Variants in DOK5 observed in about 807,000 individuals in gnomAD.
DOK5 encodes the protein downstream of tyrosine kinase 5.
A neutral mutation model predicts 43.3 loss-of-function variants in DOK5; 27 were observed. The observed-to-expected ratio is 0.62, with a 90% confidence interval of 0.46 to 0.86. The LOEUF (loss-of-function observed/expected upper bound fraction) is 0.86. Among genes scored for constraint, DOK5 ranks in the 40% least tolerant of loss-of-function variants. The pLI, the probability that DOK5 is intolerant of heterozygous loss-of-function variation, is 0.00. For missense variants in DOK5, 373 were observed against 392.9 expected, an observed-to-expected ratio of 0.95 and a Z score of 0.43; for synonymous variants, 146 against 140.1, an observed-to-expected ratio of 1.04 and a Z score of -0.30.
At chr20:54,644,100 C>T (rs1568826784) in intron 7 of DOK5, among the ~76,000 whole-genome samples, 3 of 152,228 alleles carry the variant, frequency 2.0e-5, no homozygotes. Flanking sequence ...CTCCCGAGAG[C>T]TCAGGTCTAG....
In DOK5 at chr20:54,508,787, C is replaced by T. The variant is rs1403120137; in HGVS notation, c.66+32775C>T. On this transcript the variant is annotated intron_variant, in intron 1 of 7. Coordinates refer to ENST00000262593, the MANE Select transcript of DOK5 (RefSeq NM_018431.5). Reference sequence around the variant, plus strand: ...TAGAGACGGGGTTTCTCCATGTTGGCCAGGCTGGTCTTGAACTCCTGACCT... The same window carrying T: ...TAGAGACGGGGTTTCTCCATGTTGGTCAGGCTGGTCTTGAACTCCTGACCT... Among the ~76,000 whole-genome samples the T allele has an allele frequency of 5.9e-5, 9 of 151,986 alleles. No individual in the cohort carries two copies. The East Asian group carries it at 1.7e-3, about 29-fold the overall frequency.
At chr20:54,587,578 G>A (rs771523126) in intron 2 of DOK5, among the ~76,000 whole-genome samples, 5 of 152,142 alleles carry the variant, frequency 3.3e-5, no homozygotes, top group Non-Finnish European at 7.3e-5. Context: ...CTAAGGCTTC[G>A]CTCAGGCATG....
chr20:54,574,144 C>T (rs571216385), intron 2 of DOK5, among the ~76,000 whole-genome samples: 13 of 152,250 alleles, frequency 8.5e-5, no homozygotes, highest in Admixed American at 4.6e-4. Context: ...GAAGGAAGGA[C>T]GCTGTGCTGC....
intron 1 of DOK5, among the ~76,000 whole-genome samples, chr20:54,550,819 G>C (rs988821225): frequency 3.3e-5 from 5 of 152,028 alleles, no homozygotes; most frequent in Non-Finnish European, 7.4e-5. Flanking sequence ...ACATTATGAG[G>C]CTTCCAGGTT....
chr20:54,489,499 A>G (rs916559296), intron 1 of DOK5, among the ~76,000 whole-genome samples: 6 of 152,146 alleles, frequency 3.9e-5, no homozygotes, highest in Non-Finnish European at 7.3e-5. Flanking sequence ...ATTTAGTGAT[A>G]TATCATAGTT....
intron 6 of DOK5, among the ~76,000 whole-genome samples, chr20:54,639,227 G>A (rs1978992988): frequency 6.6e-6 from 1 of 152,188 alleles, no homozygotes; most frequent in Non-Finnish European, 1.5e-5. Context: ...AAAGGGGTGT[G>A]CCCAGCCTTT....
intron 2 of DOK5, among the ~76,000 whole-genome samples, chr20:54,578,230 T>C (rs1455684473): frequency 6.6e-6 from 1 of 152,170 alleles, no homozygotes; most frequent in East Asian, 1.9e-4. Context: ...ATGTCAAAAA[T>C]CAGATTAAAT....
intron 1 of DOK5, among the ~76,000 whole-genome samples, chr20:54,480,640 T>G (rs927059753): frequency 5.9e-5 from 9 of 152,224 alleles, no homozygotes; most frequent in Non-Finnish European, 1.0e-4. Context: ...CCTGAATTCT[T>G]TGCTGTGAGA....
intron 6 of DOK5, among the ~76,000 whole-genome samples, chr20:54,640,879 C>T (rs1469105052): frequency 6.6e-6 from 1 of 152,074 alleles, no homozygotes; most frequent in Non-Finnish European, 1.5e-5. Flanking sequence ...GAATTCCATG[C>T]AAATGAAATA....
chr20:54,648,279 T>C (rs1979533847), intron 7 of DOK5, among the ~76,000 whole-genome samples: 1 of 152,218 alleles, frequency 6.6e-6, no homozygotes, highest in Admixed American at 6.5e-5. Context: ...CTGGGACTCC[T>C]AGGCAGGGAT....
intron 1 of DOK5, among the ~76,000 whole-genome samples, chr20:54,477,323 T>C (rs1422947547): frequency 2.0e-5 from 3 of 152,206 alleles, no homozygotes; most frequent in African/African-American, 7.2e-5. Context: ...ATTATAAAAC[T>C]CTTGCCTAAT....
intron 6 of DOK5, among the ~76,000 whole-genome samples, chr20:54,636,600 C>G (rs998643108): frequency 1.3e-5 from 2 of 152,238 alleles, no homozygotes; most frequent in Middle Eastern, 3.4e-3. Context: ...CATTTCCAAC[C>G]AATCAGCAGC....
At chr20:54,557,343 C>T (rs1373823409) in intron 2 of DOK5, among the ~76,000 whole-genome samples, 2 of 152,158 alleles carry the variant, frequency 1.3e-5, no homozygotes, top group African/African-American at 4.8e-5. Flanking sequence ...ATTAGATTCT[C>T]ATAAGGAGCA....
intron 2 of DOK5, among the ~76,000 whole-genome samples, chr20:54,558,620 G>A (rs372318515): frequency 2.0e-5 from 3 of 152,046 alleles, no homozygotes; most frequent in East Asian, 3.9e-4. Flanking sequence ...GTAGCACACC[G>A]TGACCAAATT....
rs367785854 is a variant in DOK5 at position 54,588,607 on chromosome 20, A to G, written c.289+10A>G. On this transcript the variant is annotated intron_variant, in intron 3 of 7. Coordinates refer to ENST00000262593, the MANE Select transcript of DOK5 (RefSeq NM_018431.5). ...TTTGCTTGCGAATCAGGTTTGTCTC[A>G]GGCAGGGCTGGGGGGCTTTTGCTTT... 1 of 1,614,148 alleles carries G rather than the reference A, an allele frequency of 6.2e-7. No individual in the cohort carries two copies. The highest frequency in any genetic ancestry group is 1.3e-5 in the African/African-American group (1 of 75,060).
chr20:54,527,161 G>T (rs1233750456), intron 1 of DOK5, among the ~76,000 whole-genome samples: 2 of 152,122 alleles, frequency 1.3e-5, no homozygotes, highest in Non-Finnish European at 2.9e-5. Flanking sequence ...GATATATGGG[G>T]TCTGTTTGAC....
intron 6 of DOK5, among the ~76,000 whole-genome samples, chr20:54,630,430 C>G (rs754598378): frequency 1.3e-5 from 2 of 152,024 alleles, no homozygotes; most frequent in Non-Finnish European, 2.9e-5. Flanking sequence ...GTATGAGGAG[C>G]GACAGTTCAG....
intron 2 of DOK5, among the ~76,000 whole-genome samples, chr20:54,579,153 C>T (rs112891961): frequency 0.023 from 3,503 of 152,044 alleles, 51 homozygotes; most frequent in Non-Finnish European, 0.035. Flanking sequence ...TTTACTCTTA[C>T]GAATATTTTG....
chr20:54,507,976 T>C (rs1982872207), intron 1 of DOK5, among the ~76,000 whole-genome samples: 1 of 152,190 alleles, frequency 6.6e-6, no homozygotes, highest in Non-Finnish European at 1.5e-5. Flanking sequence ...CACTGACTGC[T>C]ATGCAGAGAG....
Sources: gnomAD v4.1 joint callset for allele counts (sites outside exome capture counted in the v4.1 genomes callset) on GRCh38, gnomAD v4.1.1 for gene constraint, MANE v1.5 for transcripts, NCBI Gene and HGNC (gene_info 2026-07-23, HGNC 2026-07-21) for gene names.